Variants in PRKDC observed in about 807,000 individuals in gnomAD.
PRKDC encodes protein kinase, DNA-activated, catalytic subunit, also known as DNA-dependent protein kinase catalytic subunit.
In PRKDC, 82 loss-of-function variants were observed where a neutral mutation model predicts 486.9. The ratio of observed to expected loss-of-function variants is 0.17; its 90% confidence interval spans 0.14 to 0.20. The LOEUF (loss-of-function observed/expected upper bound fraction) is 0.20. Ranked by LOEUF, PRKDC falls within the 10% of genes least tolerant of loss-of-function variation. The pLI, the probability that PRKDC is intolerant of heterozygous loss-of-function variation, is 1.00. For synonymous variants in PRKDC, 1,895 were observed against 1,837.0 expected (o/e 1.03, Z -0.81); for missense variants, 4,504 against 5,038.2 (o/e 0.89, Z 3.21).
chr8:47,832,009 A>T, intron 59 of PRKDC, 83 bp from the exon 60 acceptor site: 1 of 1,311,462 alleles, frequency 7.6e-7, no homozygotes, highest in Non-Finnish European at 1.1e-6. Flanking sequence ...GGGTTTCCTC[A>T]AAGACAAAAC....
At chr8:47,829,237 A>C (rs1589725883) in intron 61 of PRKDC, among the ~76,000 whole-genome samples, 1 of 152,112 alleles carries the variant, frequency 6.6e-6, no homozygotes, top group Non-Finnish European at 1.5e-5. Context: ...TTTTGGGATC[A>C]TGTTCTTTTT....
intron 1 of PRKDC, 141 bp downstream of exon 1, chr8:47,959,832 T>A (rs942953125): frequency 9.9e-5 from 137 of 1,389,728 alleles, no homozygotes; most frequent in Non-Finnish European, 1.3e-4. Flanking sequence ...TTTATACACA[T>A]ACACAGAAAT....
chr8:47,834,386 G>A lies in PRKDC; in HGVS notation c.7962C>T (p.Ser2654=), dbSNP rs1563758541. 1.2e-6 allele frequency: 2 copies of A among 1,613,332 alleles called. No homozygotes were observed. Among genetic ancestry groups the A allele is most frequent in the Non-Finnish European group, 1.7e-6 (2 of 1,179,816 alleles). ...FTLTQTADGR[S]SFDWLTGSST... is the part of the protein sequence containing the mutation. ...TGCTCCCGGTCAGCCAATCAAATGA[G>A]CTTCTTCCATCTGTGACATGCAATC... Residue 2654 remains serine (S), a synonymous_variant, in exon 59 of 86, where the codon AGC becomes AGT. Transcript: ENST00000314191.
At chr8:47,898,153 T>C (rs1265748362) in intron 29 of PRKDC, among the ~76,000 whole-genome samples, 1 of 152,260 alleles carries the variant, frequency 6.6e-6, no homozygotes, top group South Asian at 2.1e-4. Flanking sequence ...ATGCATATTC[T>C]AGTCAAATCA....
chr8:47,778,050 G>A (rs1442530409), intron 83 of PRKDC, among the ~76,000 whole-genome samples, 176 bp from the exon 84 acceptor site: 13 of 152,080 alleles, frequency 8.5e-5, no homozygotes, highest in South Asian at 2.1e-4. Flanking sequence ...TAACCCCCTC[G>A]GCTTGAGTTA....
chr8:47,807,244 G>A lies in PRKDC; in HGVS notation c.9640C>T (p.Pro3214Ser). ...TCTTGCACTTCCATCCTGTCACTGG[G>A]GTCTCCATCTTGATCCACATTCATA... ...NSMNVDQDGD[P>S]SDRMEVQEQE... The change falls in exon 69 of 86, where the codon CCC becomes TCC. Residue 3214 changes from proline to serine, a missense_variant. Pro to Ser is a moderately conservative substitution (Grantham distance 74). Coordinates refer to ENST00000314191, the MANE Select transcript of PRKDC (RefSeq NM_006904.7). 9.9e-6 allele frequency: 16 copies of A among 1,613,436 alleles called. No individual in the cohort carries two copies. The highest frequency in any genetic ancestry group is 1.3e-5 in the Non-Finnish European group (15 of 1,179,682).
Position 47,864,613 on chromosome 8 carries a change from T to C in PRKDC, c.5514A>G (p.Glu1838=). 1 of 1,610,310 alleles carries C rather than the reference T, an allele frequency of 6.2e-7. No individual in the cohort carries two copies. The highest frequency in any genetic ancestry group is 1.3e-5 in the African/African-American group (1 of 75,000). ...CATCCACCACAATTGTGCTGAAGAA[T>C]TCTCTCAAAGCATCCAGGCTACAGT... ...LWHCSLDALR[E]FFSTIVVDAI... Residue 1838 remains glutamate, a synonymous_variant, in exon 41 of 86, where the codon GAA becomes GAG. Transcript: ENST00000314191.
chr8:47,777,395 G>C (rs991782402), intron 84 of PRKDC, among the ~76,000 whole-genome samples: 4 of 152,060 alleles, frequency 2.6e-5, no homozygotes, highest in Non-Finnish European at 5.9e-5. Context: ...TTTTAGTAGA[G>C]ACAGGGTTTT....
intron 76 of PRKDC, 69 bp from the exon 77 acceptor site, chr8:47,785,386 A>T (rs970093393): frequency 3.4e-6 from 4 of 1,188,508 alleles, no homozygotes; most frequent in Admixed American, 2.2e-5. Flanking sequence ...CTCTAAGCTT[A>T]TAAGTGTAAT....
At chr8:47,932,045 C>T (rs2090265485) in intron 16 of PRKDC, among the ~76,000 whole-genome samples, 1 of 151,792 alleles carries the variant, frequency 6.6e-6, no homozygotes, top group Non-Finnish European at 1.5e-5. Flanking sequence ...TGCCCGCCAC[C>T]ACGCCCGGCT....
Position 47,934,120 on chromosome 8 carries a change from A to C in PRKDC, c.1498-30T>G, listed in dbSNP as rs757605566. On this transcript the variant is annotated intron_variant, in intron 14 of 85. Coordinates refer to ENST00000314191, the MANE Select transcript of PRKDC (RefSeq NM_006904.7). The stretch of plus-strand genomic sequence containing the variant: ...CCAGAAAGACAGCATGACAATATGT[A>C]GTGATGGATTCTCAGAAGCAGCACT... The C allele has an allele frequency of 5.0e-6, 8 of 1,584,996 alleles. No homozygotes were observed. In the Admixed American group the frequency reaches 1.5e-4, roughly 29 times the overall value.
rs2087597154 is a variant in PRKDC at position 47,821,598 on chromosome 8, AC to A, written c.9111+5del. Reference sequence around the variant, plus strand: ...TATTTCAATCACTTAAAATAATTTTACCCACCTGATAAAATGGTTCACTCCA... The same window carrying A: ...TATTTCAATCACTTAAAATAATTTTACCACCTGATAAAATGGTTCACTCCA... On this transcript the variant is annotated splice_donor_5th_base_variant and intron_variant, in intron 65 of 85. Transcript: ENST00000314191. The A allele has an allele frequency of 3.8e-6, 6 of 1,583,668 alleles. No homozygotes were observed. The highest frequency in any genetic ancestry group is 2.3e-5 in the East Asian group (1 of 43,978).
At chr8:47,817,309 CT>C in intron 68 of PRKDC, 140 bp downstream of exon 68, 1 of 633,292 alleles carries the variant, frequency 1.6e-6, no homozygotes, top group Non-Finnish European at 2.7e-6. Flanking sequence ...ATCGGAACTA[CT>C]TACATGGGAA....
intron 76 of PRKDC, among the ~76,000 whole-genome samples, chr8:47,786,675 T>C (rs566447130): frequency 1.1e-4 from 17 of 152,106 alleles, no homozygotes; most frequent in African/African-American, 4.1e-4. Context: ...ATTAAGAGTC[T>C]TTCAAGCTAT....
rs759916434 is a variant in PRKDC, at chr8:47,807,191, G to T, written c.9693C>A (p.Ile3231=). The T allele has an allele frequency of 6.2e-7, 1 of 1,613,856 alleles. No homozygotes were observed. Among genetic ancestry groups the T allele is most frequent in the Admixed American group, 1.7e-5 (1 of 59,994 alleles). ...QEQEEDISSL[I]RSCKFSMKMK... ...TTTTCATGGAAAACTTGCAACTCCT[G>T]ATCAGGGAGCTGATATCTTCTTCCT... Residue 3231 remains isoleucine (I), a synonymous_variant, in exon 69 of 86, where the codon ATC becomes ATA. Coordinates refer to ENST00000314191, the MANE Select transcript of PRKDC (RefSeq NM_006904.7).
chr8:47,886,035 A>G lies in PRKDC; in HGVS notation c.4685T>C (p.Leu1562Ser), dbSNP rs1453741477. 3 of 1,613,792 alleles carry G rather than the reference A, an allele frequency of 1.9e-6. No homozygotes were observed. Among genetic ancestry groups the G allele is most frequent in the Non-Finnish European group, 2.5e-6 (3 of 1,179,880 alleles). Residue 1562 changes from leucine (L) to serine (S), a missense_variant, in exon 36 of 86, where the codon TTG (leucine) becomes TCG (serine). Leu to Ser is a moderately radical substitution (Grantham distance 145, BLOSUM62 -2). Coordinates refer to ENST00000314191, the MANE Select transcript of PRKDC (RefSeq NM_006904.7). The part of the protein sequence containing the change: ...HFSHGEYFYS[L>S]FSETINTELL... ...TTCCGTGTTGATCGTTTCTGAGAAC[A>G]AGCTATAGAAATACTCCCCATGGGA...
intron 40 of PRKDC, among the ~76,000 whole-genome samples, chr8:47,874,576 G>A (rs1406000313): frequency 2.6e-5 from 4 of 152,008 alleles, no homozygotes; most frequent in South Asian, 4.1e-4. Flanking sequence ...TGGGCAACAC[G>A]GCGAAACCCT....
intron 30 of PRKDC, among the ~76,000 whole-genome samples, chr8:47,895,383 CAACAA>C (rs1173081358): frequency 6.6e-6 from 1 of 152,066 alleles, no homozygotes; most frequent in Admixed American, 6.6e-5. Context: ...AGCCTTTGTC[CAACAA>C]AACACAATGC....
chr8:47,878,949 G>A (rs1029876439), intron 39 of PRKDC, among the ~76,000 whole-genome samples: 3 of 152,164 alleles, frequency 2.0e-5, no homozygotes, highest in African/African-American at 7.2e-5. Flanking sequence ...TCCAAAATCC[G>A]AAACACTTCT....
Sources: gnomAD v4.1 joint callset for allele counts (sites outside exome capture counted in the v4.1 genomes callset) on GRCh38, gnomAD v4.1.1 for gene constraint, MANE v1.5 for transcripts, NCBI Gene and HGNC (gene_info 2026-07-23, HGNC 2026-07-21) for gene names.